MGAT4C: variants seen among roughly 807,000 people sequenced by gnomAD.
MGAT4C encodes the protein alpha-1,3-mannosyl-glycoprotein 4-beta-N-acetylglucosaminyltransferase C.
MGAT4C carries 19 observed loss-of-function variants against 40.1 expected under a neutral mutation model. That is an observed-to-expected ratio of 0.47 (90% CI 0.33 to 0.70). The LOEUF (loss-of-function observed/expected upper bound fraction) is 0.70. Among genes scored for constraint, MGAT4C ranks in the 30% least tolerant of loss-of-function variants. The probability of loss-of-function intolerance (pLI) is 0.02; values close to 1 mark genes in which losing one functional copy is unlikely to be tolerated. For synonymous variants in MGAT4C, 181 were observed against 187.1 expected, an observed-to-expected ratio of 0.97 and a Z score of 0.27; for missense variants, 491 against 563.2, an observed-to-expected ratio of 0.87 and a Z score of 1.30.
In MGAT4C at chr12:86,201,911, C is replaced by T. The variant is rs530734609; in HGVS notation, c.-57+54328G>A. On this transcript the variant is annotated intron_variant, in intron 1 of 4. Transcript: ENST00000611864. ...CTATGATTTTATTGTTTTTATGCCA[C>T]AGCAAATGGTATTGTGCTTCAATTA... Among the ~76,000 whole-genome samples, 19 of 152,086 alleles carry T rather than the reference C, an allele frequency of 1.2e-4. 1 individual carries two copies. The East Asian group carries it at 2.1e-3, about 17-fold the overall frequency.
At chr12:86,511,131 A>T (rs570795926) in intron 2 of MGAT4C, among the ~76,000 whole-genome samples, 25 of 152,114 alleles carry the variant, frequency 1.6e-4, no homozygotes, top group Non-Finnish European at 3.1e-4. Context: ...CAGAAATTAT[A>T]ACAAACTATC....
chr12:86,067,886 T>C (rs1894709225), intron 1 of MGAT4C, among the ~76,000 whole-genome samples: 1 of 152,182 alleles, frequency 6.6e-6, no homozygotes, highest in Non-Finnish European at 1.5e-5. Flanking sequence ...TTTCTTGACA[T>C]GCAGAGCAAG....
At chr12:86,164,777 C>T (rs1483741887) in intron 1 of MGAT4C, among the ~76,000 whole-genome samples, 3 of 152,022 alleles carry the variant, frequency 2.0e-5, no homozygotes, top group Non-Finnish European at 4.4e-5. Flanking sequence ...GAGGGTGAGA[C>T]AAGTTATGTT....
chr12:86,081,012 A>G (rs976468837), intron 1 of MGAT4C, among the ~76,000 whole-genome samples: 13 of 152,338 alleles, frequency 8.5e-5, no homozygotes, highest in African/African-American at 2.6e-4. Flanking sequence ...GAAAAAAGGT[A>G]TAAATAGAAT....
At chr12:86,325,691 A>G (rs1954509886) in intron 4 of MGAT4C, among the ~76,000 whole-genome samples, 1 of 152,160 alleles carries the variant, frequency 6.6e-6, no homozygotes, top group Non-Finnish European at 1.5e-5. Context: ...CAGCCTGGGC[A>G]ATATGTCAAA....
At chr12:86,290,645 C>T (rs1953486682) in intron 4 of MGAT4C, among the ~76,000 whole-genome samples, 2 of 151,304 alleles carry the variant, frequency 1.3e-5, no homozygotes, top group Admixed American at 6.6e-5. Context: ...CATCAAACCC[C>T]AATGACATGC....
chr12:86,619,875 A>C (rs777770839), intron 2 of MGAT4C, among the ~76,000 whole-genome samples: 9 of 152,160 alleles, frequency 5.9e-5, no homozygotes, highest in Non-Finnish European at 1.0e-4. Flanking sequence ...AAACTTATTA[A>C]GGGAAAAAAC....
intron 3 of MGAT4C, among the ~76,000 whole-genome samples, chr12:86,415,060 C>A (rs1000163160): frequency 6.6e-6 from 1 of 151,974 alleles, no homozygotes; most frequent in African/African-American, 2.4e-5. Context: ...CACCCCTATT[C>A]TAGCAGCAGC....
intron 1 of MGAT4C, among the ~76,000 whole-genome samples, chr12:86,247,630 A>G (rs1383612092): frequency 2.0e-5 from 3 of 152,242 alleles, no homozygotes; most frequent in African/African-American, 7.2e-5. Flanking sequence ...CTGAGAATTG[A>G]ATAATAAATT....
chr12:86,606,693 C>T (rs192693709), intron 2 of MGAT4C, among the ~76,000 whole-genome samples: 14 of 152,068 alleles, frequency 9.2e-5, no homozygotes, highest in African/African-American at 3.1e-4. Flanking sequence ...TCATTGTCTT[C>T]GTTCAAATTC....
intron 1 of MGAT4C, among the ~76,000 whole-genome samples, chr12:86,816,083 A>G (rs1346235509): frequency 6.6e-6 from 1 of 151,912 alleles, no homozygotes; most frequent in Admixed American, 6.6e-5. Context: ...ATGTCCCCCA[A>G]TAAGATTTTG....
chr12:86,130,910 C>T (rs138078988), intron 1 of MGAT4C, among the ~76,000 whole-genome samples: 172 of 152,074 alleles, frequency 1.1e-3, no homozygotes, highest in African/African-American at 3.8e-3. Context: ...CCACCATCAC[C>T]ATCATATCTC....
rs112712527 is a variant in MGAT4C at position 86,214,946 on chromosome 12, G to C, written c.-57+41293C>G. 3.6e-3 allele frequency among the ~76,000 whole-genome samples: 541 copies of C among 152,210 alleles called. 3 individuals are homozygous for C. Among genetic ancestry groups the C allele is most frequent in the African/African-American group, 0.013 (527 of 41,536 alleles). On this transcript the variant is annotated intron_variant, in intron 1 of 4. Coordinates refer to ENST00000611864, the MANE Select transcript of MGAT4C (RefSeq NM_001351288.2). ...ACTAAAGTTACATTGCATCATATCA[G>C]TTTCTTGTAGATTCAATTTTCCAAC... is the stretch of plus-strand genomic sequence containing the variant.
chr12:86,485,858 C>T (rs1958010802), intron 2 of MGAT4C, among the ~76,000 whole-genome samples: 1 of 152,066 alleles, frequency 6.6e-6, no homozygotes, highest in Non-Finnish European at 1.5e-5. Flanking sequence ...AAGAGAATCA[C>T]ATCAGGATAG....
chr12:86,399,069 C>G (rs1445228373), intron 3 of MGAT4C, among the ~76,000 whole-genome samples: 1 of 152,216 alleles, frequency 6.6e-6, no homozygotes, highest in Non-Finnish European at 1.5e-5. Flanking sequence ...TTCCCGGATT[C>G]AAGCGATTCT....
At chr12:86,613,974 G>A (rs991078280) in intron 2 of MGAT4C, among the ~76,000 whole-genome samples, 1 of 152,132 alleles carries the variant, frequency 6.6e-6, no homozygotes, top group Admixed American at 6.6e-5. Context: ...GGGACAAAGA[G>A]ATACATGAGC....
chr12:86,022,985 A>ATAC (rs1889908483), intron 2 of MGAT4C, among the ~76,000 whole-genome samples: 1 of 152,110 alleles, frequency 6.6e-6, no homozygotes, highest in Non-Finnish European at 1.5e-5. Flanking sequence ...ACAAAGTGAC[A>ATAC]TACAGAGTGT....
At chr12:86,357,581 A>G (rs965627603) in intron 3 of MGAT4C, among the ~76,000 whole-genome samples, 5 of 151,100 alleles carry the variant, frequency 3.3e-5, no homozygotes, top group African/African-American at 1.2e-4. Context: ...AAAACCTTGA[A>G]AAAAGATTAG....
intron 1 of MGAT4C, among the ~76,000 whole-genome samples, chr12:86,834,631 C>CAT (rs990701381): frequency 2.2e-4 from 34 of 151,596 alleles, no homozygotes; most frequent in Middle Eastern, 3.2e-3. Context: ...CACACACACA[C>CAT]ACACACCCCT....
Sources: allele counts gnomAD v4.1 joint callset (sites outside exome capture counted in the v4.1 genomes callset), GRCh38; gene constraint gnomAD v4.1.1; transcripts MANE v1.5; gene names NCBI Gene and HGNC (gene_info 2026-07-23, HGNC 2026-07-21).